The following NTRK2 variants were observed in gnomAD, a reference collection of about 807,000 sequenced individuals.
NTRK2 encodes the protein BDNF/NT-3 growth factors receptor.
A neutral mutation model predicts 94.5 loss-of-function variants in NTRK2; 13 were observed. The observed-to-expected ratio is 0.14, with a 90% CI of 0.09 to 0.22. The LOEUF (loss-of-function observed/expected upper bound fraction) is 0.22, where lower values mean the gene tolerates loss of function less well. NTRK2 is among the 10% of genes least tolerant of loss of function. NTRK2 has a pLI of 1.00. For missense variants in NTRK2, 639 were observed against 1,071.2 expected, an observed-to-expected ratio of 0.60 and a Z score of 5.63; for synonymous variants, 372 against 407.4, an observed-to-expected ratio of 0.91 and a Z score of 1.05.
chr9:85,002,084 C>T (rs1830399797), intron 17 of NTRK2, among the ~76,000 whole-genome samples: 1 of 152,212 alleles, frequency 6.6e-6, no homozygotes, highest in South Asian at 2.1e-4. Flanking sequence ...CCTGCCTGTT[C>T]TTGACCTTAC....
chr9:84,802,091 G>A (rs1006346559), intron 12 of NTRK2, among the ~76,000 whole-genome samples: 2 of 152,130 alleles, frequency 1.3e-5, no homozygotes, highest in East Asian at 1.9e-4. Context: ...ACAACTTCCT[G>A]TAAGTTTTGG....
At position 84,685,045 on chromosome 9, in the gene NTRK2, T is replaced by C. The variant is rs1181021055; in HGVS notation, c.212+14085T>C. On this transcript the variant is annotated intron_variant, in intron 2 of 18. Transcript: ENST00000277120. ...AAGATTATTCCCTTTTCTAAGAGTA[T>C]AAAATGAGCAATTTTATATTTTCTT... 2.0e-5 allele frequency among the ~76,000 whole-genome samples: 3 copies of C among 152,190 alleles called. No homozygotes were observed. In the East Asian group the frequency reaches 5.8e-4, roughly 29 times the overall value.
At chr9:84,809,838 C>A (rs369744944) in intron 12 of NTRK2, among the ~76,000 whole-genome samples, 12 of 139,650 alleles carry the variant, frequency 8.6e-5, no homozygotes, top group African/African-American at 3.2e-4. Context: ...GCCGAGATCT[C>A]ACCACTGCAC....
intron 12 of NTRK2, among the ~76,000 whole-genome samples, chr9:84,839,896 A>G (rs562782776): frequency 2.0e-5 from 3 of 152,296 alleles, no homozygotes; most frequent in African/African-American, 7.2e-5. Context: ...CTCTGAAACT[A>G]CAGGGCTTTG....
chr9:84,833,555 G>A (rs2073696412), intron 12 of NTRK2, among the ~76,000 whole-genome samples: 1 of 149,180 alleles, frequency 6.7e-6, no homozygotes, highest in African/African-American at 2.5e-5. Flanking sequence ...AAAGAAAAAA[G>A]AAGGAAGAAT....
intron 17 of NTRK2, among the ~76,000 whole-genome samples, chr9:85,004,862 T>C (rs1451227652): frequency 6.6e-6 from 1 of 152,016 alleles, no homozygotes; most frequent in Non-Finnish European, 1.5e-5. Flanking sequence ...AAAAACAAGG[T>C]AATTTGGAGG....
chr9:84,679,688 G>A (rs952557009), intron 2 of NTRK2, among the ~76,000 whole-genome samples: 3 of 152,174 alleles, frequency 2.0e-5, no homozygotes, highest in African/African-American at 7.2e-5. Context: ...TCAGCCATGA[G>A]CACTAGTGTT....
At chr9:84,754,970 A>G (rs374679399) in intron 12 of NTRK2, among the ~76,000 whole-genome samples, 16 of 152,300 alleles carry the variant, frequency 1.1e-4, no homozygotes, top group African/African-American at 3.8e-4. Context: ...GGGCCCAGAG[A>G]AACAAACCCC....
chr9:84,862,761 G>A (rs2075394095), intron 13 of NTRK2, among the ~76,000 whole-genome samples: 1 of 152,162 alleles, frequency 6.6e-6, no homozygotes, highest in African/African-American at 2.4e-5. Context: ...AGGAGGGAAG[G>A]GAGAACTTGG....
At chr9:84,820,780 A>C (rs1429663066) in intron 12 of NTRK2, among the ~76,000 whole-genome samples, 1 of 152,350 alleles carries the variant, frequency 6.6e-6, no homozygotes, top group Admixed American at 6.5e-5. Context: ...CCACAAACCA[A>C]GCAACTCCAT....
chr9:84,810,906 G>T (rs200924514), intron 12 of NTRK2: 8 of 1,205,668 alleles, frequency 6.6e-6, no homozygotes, highest in Non-Finnish European at 1.0e-6. Flanking sequence ...CTTCTCTTCT[G>T]AAAAGTGTGC....
At chr9:84,775,890 A>C (rs71506671) in intron 12 of NTRK2, among the ~76,000 whole-genome samples, 7,301 of 152,272 alleles carry the variant, frequency 0.048, 224 homozygotes, top group African/African-American at 0.069. Flanking sequence ...CAGGTGATTT[A>C]TATGCTCTTT....
At chr9:84,676,467 T>A (rs2059061233) in intron 2 of NTRK2, among the ~76,000 whole-genome samples, 1 of 152,116 alleles carries the variant, frequency 6.6e-6, no homozygotes, top group Non-Finnish European at 1.5e-5. Flanking sequence ...GTCTGATGAG[T>A]CCAAGGTCAC....
At chr9:84,778,797 G>A (rs540204698) in intron 12 of NTRK2, among the ~76,000 whole-genome samples, 1 of 152,194 alleles carries the variant, frequency 6.6e-6, no homozygotes, top group Non-Finnish European at 1.5e-5. Context: ...CACGGACACC[G>A]TGCAATGTCC....
At chr9:84,908,662 T>G (rs1290040194) in intron 14 of NTRK2, among the ~76,000 whole-genome samples, 1 of 152,138 alleles carries the variant, frequency 6.6e-6, no homozygotes, top group African/African-American at 2.4e-5. Flanking sequence ...CTAGGCACAG[T>G]GGGGTATTTA....
Position 85,022,265 on chromosome 9 carries a change from G to A in NTRK2, c.*828G>A, listed in dbSNP as rs1832821550. The A allele has an allele frequency of 4.3e-6, 1 of 233,096 alleles. No homozygotes were observed. Among genetic ancestry groups the A allele is most frequent in the South Asian group, 1.8e-4 (1 of 5,528 alleles). 14.4% of individuals were successfully genotyped at this position (233,096 alleles called of 1,614,324 possible). ...AAAAGACTACTGGCCTCTGTGCCATGGATGATTCTTTTCCCATCACCAGAA... is the reference window on the plus strand; with the variant it reads ...AAAAGACTACTGGCCTCTGTGCCATAGATGATTCTTTTCCCATCACCAGAA... On this transcript the variant is annotated 3_prime_UTR_variant, in exon 19 of 19. Coordinates refer to ENST00000277120, the MANE Select transcript of NTRK2 (RefSeq NM_006180.6).
intron 12 of NTRK2, among the ~76,000 whole-genome samples, chr9:84,816,253 T>C (rs972280942): frequency 3.3e-5 from 5 of 152,132 alleles, no homozygotes; most frequent in African/African-American, 4.8e-5. Context: ...ACACTTCATG[T>C]CCCTTTTGTC....
chr9:84,766,840 A>G (rs1425963850), intron 12 of NTRK2, among the ~76,000 whole-genome samples: 1 of 152,112 alleles, frequency 6.6e-6, no homozygotes, highest in Non-Finnish European at 1.5e-5. Flanking sequence ...ATATGCACAC[A>G]TTCAACACAC....
chr9:84,696,001 G>C (rs1057245282), intron 2 of NTRK2, among the ~76,000 whole-genome samples: 1 of 152,110 alleles, frequency 6.6e-6, no homozygotes, highest in Non-Finnish European at 1.5e-5. Context: ...ATGCTTATCT[G>C]CTGAGGGCAA....
Sources: gnomAD v4.1 joint callset for allele counts (sites outside exome capture counted in the v4.1 genomes callset) on GRCh38, gnomAD v4.1.1 for gene constraint, MANE v1.5 for transcripts, NCBI Gene and HGNC (gene_info 2026-07-23, HGNC 2026-07-21) for gene names.